Variants in KLRG1 observed in about 807,000 individuals in gnomAD.
The protein encoded by KLRG1 is killer cell lectin like receptor G1, also known as killer cell lectin-like receptor subfamily G member 1.
In KLRG1, 16 loss-of-function variants were observed where a neutral mutation model predicts 21.8. That is an observed-to-expected ratio of 0.73 (90% CI 0.50 to 1.11). KLRG1 has a LOEUF of 1.11. Ranked by LOEUF, KLRG1 falls within the 50% of genes most tolerant of loss-of-function variation. KLRG1 has a pLI of 0.00. For missense variants in KLRG1, 173 were observed against 218.3 expected, an observed-to-expected ratio of 0.79 and a Z score of 1.31; for synonymous variants, 69 against 75.9, an observed-to-expected ratio of 0.91 and a Z score of 0.47.
chr12:9,169,374 T>C, the KLRG1 span: 1 of 1,444,386 alleles, frequency 6.9e-7, no homozygotes, highest in Non-Finnish European at 9.4e-7. Flanking sequence ...ATACAGAGTT[T>C]TATTAACATT....
chr12:8,955,703 TC>T (rs1946280627), intron 1 of KLRG1, among the ~76,000 whole-genome samples: 1 of 152,090 alleles, frequency 6.6e-6, no homozygotes, highest in South Asian at 2.1e-4. Flanking sequence ...TTTGAATTTT[TC>T]TTTTTTTTAA....
At chr12:9,139,879 G>T in the KLRG1 span, among the ~76,000 whole-genome samples, 1 of 152,184 alleles carries the variant, frequency 6.6e-6, no homozygotes, top group African/African-American at 2.4e-5. Flanking sequence ...CTCTCTTACA[G>T]ACTAAGAGTA....
the KLRG1 span, chr12:9,162,742 C>T: frequency 3.1e-4 from 312 of 1,005,862 alleles, no homozygotes; most frequent in Non-Finnish European, 4.0e-4. Context: ...AGGGTTTACA[C>T]GAATGATGTT....
At chr12:9,129,588 T>C in the KLRG1 span, among the ~76,000 whole-genome samples, 4 of 152,140 alleles carry the variant, frequency 2.6e-5, no homozygotes, top group Non-Finnish European at 4.4e-5. Context: ...CATTTTTTTT[T>C]CCCGAGACGG....
At chr12:8,952,947 G>T (rs1176660335) in intron 1 of KLRG1, among the ~76,000 whole-genome samples, 1 of 151,986 alleles carries the variant, frequency 6.6e-6, no homozygotes, top group Admixed American at 6.6e-5. Context: ...CTGGCCACTT[G>T]TTTTGTAGAA....
the KLRG1 span, among the ~76,000 whole-genome samples, chr12:9,110,778 C>T: frequency 6.6e-6 from 1 of 152,014 alleles, no homozygotes. Context: ...TAGTGAAATA[C>T]AGAAATATTC....
chr12:8,966,164 T>C (rs1403906324), intron 1 of KLRG1, among the ~76,000 whole-genome samples: 1 of 152,194 alleles, frequency 6.6e-6, no homozygotes, highest in Non-Finnish European at 1.5e-5. Flanking sequence ...GATCACTTCC[T>C]TACACCTTAT....
At chr12:9,046,646 T>C in the KLRG1 span, among the ~76,000 whole-genome samples, 1 of 152,212 alleles carries the variant, frequency 6.6e-6, no homozygotes, top group Non-Finnish European at 1.5e-5. Context: ...CCTAGAATTG[T>C]ATATTTAGGT....
chr12:9,208,453 C>T, the KLRG1 span: 3 of 753,146 alleles, frequency 4.0e-6, no homozygotes, highest in East Asian at 2.7e-5. Context: ...CAAGCCCCAC[C>T]CCAAGGCCTC....
At chr12:9,161,786 A>G in the KLRG1 span, among the ~76,000 whole-genome samples, 1 of 152,222 alleles carries the variant, frequency 6.6e-6, no homozygotes, top group Admixed American at 6.5e-5. Flanking sequence ...AAAAGCTACA[A>G]CTACTTCTTA....
chr12:9,124,031 C>A, the KLRG1 span, among the ~76,000 whole-genome samples: 1 of 152,184 alleles, frequency 6.6e-6, no homozygotes, highest in Admixed American at 6.5e-5. Context: ...TAAACACATT[C>A]TTTGAGGCTG....
the KLRG1 span, among the ~76,000 whole-genome samples, chr12:9,076,084 T>C: frequency 2.0e-5 from 3 of 152,228 alleles, no homozygotes; most frequent in Non-Finnish European, 4.4e-5. Context: ...TATGAGTAGA[T>C]TGGTCAACAT....
intron 1 of KLRG1, among the ~76,000 whole-genome samples, chr12:8,963,959 A>G (rs2137227382): frequency 6.6e-6 from 1 of 151,980 alleles, no homozygotes; most frequent in South Asian, 2.1e-4. Context: ...GTGGTCTATC[A>G]ATTTTGTTTA....
chr12:8,982,327 AT>A (rs1375987038), intron 1 of KLRG1, among the ~76,000 whole-genome samples: 3 of 152,240 alleles, frequency 2.0e-5, no homozygotes, highest in African/African-American at 7.2e-5. Context: ...GAAATTTGAA[AT>A]TTGGCAAAAC....
At chr12:9,140,167 G>T in the KLRG1 span, among the ~76,000 whole-genome samples, 1 of 152,188 alleles carries the variant, frequency 6.6e-6, no homozygotes, top group African/African-American at 2.4e-5. Flanking sequence ...GCAGTTTTTG[G>T]GTAGTTGTCT....
upstream of KLRG1, among the ~76,000 whole-genome samples, chr12:8,989,255 G>A (rs1406192472): frequency 6.6e-6 from 1 of 152,142 alleles, no homozygotes; most frequent in African/African-American, 2.4e-5. Flanking sequence ...TACTTTTTCA[G>A]AAGGAAACAA....
the KLRG1 span, chr12:9,109,730 C>T: frequency 1.2e-6 from 1 of 825,816 alleles, no homozygotes; most frequent in Non-Finnish European, 1.9e-6. Context: ...CCTCATTGGA[C>T]TTAGGTGTAA....
the KLRG1 span, among the ~76,000 whole-genome samples, chr12:9,151,406 T>C: frequency 1.3e-5 from 2 of 152,240 alleles, no homozygotes; most frequent in Non-Finnish European, 2.9e-5. Context: ...ATATTCCAAT[T>C]TTAACACAAT....
the KLRG1 span, among the ~76,000 whole-genome samples, chr12:9,173,720 A>C: frequency 5.3e-5 from 8 of 152,346 alleles, no homozygotes; most frequent in East Asian, 9.6e-4. Flanking sequence ...ATAAGCTAGA[A>C]AATCTAGAAG....
Sources: allele counts gnomAD v4.1 joint callset (sites outside exome capture counted in the v4.1 genomes callset), GRCh38; gene constraint gnomAD v4.1.1; transcripts MANE v1.5; gene names NCBI Gene and HGNC (gene_info 2026-07-23, HGNC 2026-07-21).